SLFN13: variants seen among roughly 807,000 people sequenced by gnomAD.
SLFN13 encodes schlafen family member 13, also known as schlafen-13.
In SLFN13, 43 loss-of-function variants were observed where a neutral mutation model predicts 50.6. That is an observed-to-expected ratio of 0.85 (90% CI 0.67 to 1.09). The LOEUF is 1.09. Ranked by LOEUF, SLFN13 falls within the 50% of genes least tolerant of loss-of-function variation. The pLI is 0.00. For missense variants in SLFN13, 881 were observed against 1,071.1 expected (o/e 0.82, Z 2.48); for synonymous variants, 339 against 386.5 (o/e 0.88, Z 1.44).
chr17:35,444,550 A>G (rs1913088152), intron 3 of SLFN13, 65 bp downstream of exon 3: 1 of 1,400,452 alleles, frequency 7.1e-7, no homozygotes, highest in Non-Finnish European at 9.8e-7. Flanking sequence ...TTAGAGAATA[A>G]AGAAGGAAGT....
rs973022359 is a variant in SLFN13, at chr17:35,444,948, G to T, written c.733C>A (p.Leu245Ile). The T allele has an allele frequency of 6.2e-7, 1 of 1,614,180 alleles. No homozygotes were observed. The highest frequency in any genetic ancestry group is 1.7e-5 in the Admixed American group (1 of 60,024). ...CTCTTATCATCCACTCCAATAAAAAGATAGCCTCCCTCAGTGTTTGCAAAT... is the reference window on the plus strand; with the variant it reads ...CTCTTATCATCCACTCCAATAAAAATATAGCCTCCCTCAGTGTTTGCAAAT... ...SAFANTEGGY[L>I]FIGVDDKSRK... is the part of the protein sequence containing the mutation. The change falls in exon 3 of 6, where the codon CTT becomes ATT. Residue 245 changes from leucine (L) to isoleucine (I), a missense_variant. Leu to Ile is a conservative substitution (Grantham distance 5). Coordinates refer to ENST00000285013, the MANE Select transcript of SLFN13 (RefSeq NM_144682.6).
At chr17:35,442,851 T>A (rs1481913294) in intron 4 of SLFN13, among the ~76,000 whole-genome samples, 1 of 152,220 alleles carries the variant, frequency 6.6e-6, no homozygotes, top group Non-Finnish European at 1.5e-5. Context: ...TGCAATTTAC[T>A]GAGCCTGAGA....
Position 35,441,138 on chromosome 17 carries a change from A to G in SLFN13, c.2151T>C (p.Pro717=). ...CTTCTCTTGGATACTGTGCTGAGAG[A>G]GGGGGAAGGCCACTGTGACCCAAGT... ...TSHLGHSGLP[P]LSAQYPREEL... is the part of the protein sequence containing the mutation. Residue 717 remains proline, a synonymous_variant, in exon 6 of 6, where the codon CCT becomes CCC. Coordinates refer to ENST00000285013, the MANE Select transcript of SLFN13 (RefSeq NM_144682.6). 6.2e-7 allele frequency: 1 copy of G among 1,614,018 alleles called. No individual in the cohort carries two copies. The highest frequency in any genetic ancestry group is 8.5e-7 in the Non-Finnish European group (1 of 1,179,990).
At chr17:35,443,353 T>C (rs892314627) in intron 4 of SLFN13, among the ~76,000 whole-genome samples, 1 of 152,236 alleles carries the variant, frequency 6.6e-6, no homozygotes, top group African/African-American at 2.4e-5. Context: ...TGAATGTTTT[T>C]ATTCCTTTTA....
upstream of SLFN13, among the ~76,000 whole-genome samples, chr17:35,449,206 C>G (rs1037302376): frequency 4.0e-5 from 6 of 151,270 alleles, no homozygotes; most frequent in Non-Finnish European, 7.4e-5. Context: ...CACCACTGCA[C>G]TCCAGCTTGG....
intron 2 of SLFN13, 62 bp from the exon 3 acceptor site, chr17:35,445,755 A>G: frequency 1.6e-6 from 2 of 1,275,484 alleles, no homozygotes; most frequent in Non-Finnish European, 2.1e-6. Context: ...CCTGCAATTC[A>G]TTTATTAGAA....
Position 35,438,830 on chromosome 17 carries a change from T to C in SLFN13, c.*1765A>G, listed in dbSNP as rs1912711351. 1 of 152,116 alleles carries C rather than the reference T, an allele frequency of 6.6e-6. No individual in the cohort carries two copies. Among genetic ancestry groups the C allele is most frequent in the African/African-American group, 2.4e-5 (1 of 41,454 alleles). The allele number at this position is 152,116 out of a possible 1,614,324, so 9.4% of individuals were successfully genotyped here. ...CATTAGTTATGCAAATATTTTATTG[T>C]TAGTATTTAGATTAGTGTTTTAGAA... On this transcript the variant is annotated 3_prime_UTR_variant, in exon 6 of 6. Coordinates refer to ENST00000285013, the MANE Select transcript of SLFN13 (RefSeq NM_144682.6).
At chr17:35,443,664 G>A in intron 4 of SLFN13, 125 bp downstream of exon 4, 2 of 983,196 alleles carry the variant, frequency 2.0e-6, no homozygotes, top group Non-Finnish European at 2.9e-6. Context: ...TCATCCCCAA[G>A]AGGCTTGTGG....
In SLFN13 at chr17:35,444,525, G is replaced by A. The variant is rs1453371700; in HGVS notation, c.1066+90C>T. ...TTAGAGAAAGTAAATTTCAGTGGGTGTGAGAAGGTCAAGCTTAGAGAATAA... is the reference window on the plus strand; with the variant it reads ...TTAGAGAAAGTAAATTTCAGTGGGTATGAGAAGGTCAAGCTTAGAGAATAA... On this transcript the variant is annotated intron_variant, in intron 3 of 5. Coordinates refer to ENST00000285013, the MANE Select transcript of SLFN13 (RefSeq NM_144682.6). 9.3e-6 allele frequency: 11 copies of A among 1,179,752 alleles called. No individual in the cohort carries two copies. The East Asian group carries it at 2.7e-4, about 29-fold the overall frequency. 73.1% of individuals were successfully genotyped at this position (1,179,752 alleles called of 1,614,324 possible). A position where few individuals can be genotyped will look rare whatever the true frequency, so the allele number is the denominator to read the frequency against.
At position 35,444,688 on chromosome 17, in the gene SLFN13, C is replaced by G; in HGVS notation, c.993G>C (p.Trp331Cys). 1 of 1,614,240 alleles carries G rather than the reference C, an allele frequency of 6.2e-7. No individual in the cohort carries two copies. The highest frequency in any genetic ancestry group is 1.6e-4 in the Middle Eastern group (1 of 6,062). Residue 331 changes from tryptophan (W) to cysteine (C), a missense_variant, in exon 3 of 6, where the codon TGG becomes TGC. This residue lies in a region of SLFN13 where 497 missense variants were observed against 518.3 expected (regional missense o/e 0.96). Transcript: ENST00000285013. ...CVVFSEAPKSWMVREKYIRPL... is the reference protein window; with the variant it reads ...CVVFSEAPKSCMVREKYIRPL... ...GGCGGATGTACTTCTCCCTCACCAT[C>G]CATGACTTGGGAGCTTCCGAGAACA...
Position 35,440,427 on chromosome 17 carries a change from C to T in SLFN13, c.*168G>A. 2 of 771,912 alleles carry T rather than the reference C, an allele frequency of 2.6e-6. No individual in the cohort carries two copies. The highest frequency in any genetic ancestry group is 3.8e-5 in the South Asian group (2 of 53,314). 47.8% of individuals were successfully genotyped at this position (771,912 alleles called of 1,614,324 possible). ...CTGCTGAAAAGAGTTGGGGGAGGAACCCCTGAAAGGAGAGCCAGAAATGGG... is the reference window on the plus strand; with the variant it reads ...CTGCTGAAAAGAGTTGGGGGAGGAATCCCTGAAAGGAGAGCCAGAAATGGG... On this transcript the variant is annotated 3_prime_UTR_variant, in exon 6 of 6. Transcript: ENST00000285013.
At position 35,444,750 on chromosome 17, in the gene SLFN13, G is replaced by C. The variant is rs1037177293; in HGVS notation, c.931C>G (p.Leu311Val). The C allele has an allele frequency of 1.9e-6, 3 of 1,614,110 alleles. No homozygotes were observed. Residue 311 changes from leucine (L) to valine (V), a missense_variant, in exon 3 of 6, where the codon CTC (leucine) becomes GTC (valine). Coordinates refer to ENST00000285013, the MANE Select transcript of SLFN13 (RefSeq NM_144682.6). ...AATGCCTTCACTTTAATCACACAGA[G>C]ATAGCCATACAACTCTTTCCCACAA... ...VFCGKELYGY[L>V]CVIKVKAFCC...
chr17:35,445,603 C>G lies in SLFN13; in HGVS notation c.78G>C (p.Leu26=), dbSNP rs1014203718. 6.2e-7 allele frequency: 1 copy of G among 1,613,984 alleles called. No individual in the cohort carries two copies. Among genetic ancestry groups the G allele is most frequent in the Non-Finnish European group, 8.5e-7 (1 of 1,180,012 alleles). Residue 26 remains leucine, a synonymous_variant, in exon 3 of 6, where the codon CTG becomes CTC. Coordinates refer to ENST00000285013, the MANE Select transcript of SLFN13 (RefSeq NM_144682.6). ...GTAGCTTTTTTCTGTTTTCTTCTCCCAGAGTCACTTCTCCGACATCGATGA... is the reference window on the plus strand; with the variant it reads ...GTAGCTTTTTTCTGTTTTCTTCTCCGAGAGTCACTTCTCCGACATCGATGA... ...DLVIDVGEVT[L]GEENRKKLQK...
In SLFN13 at chr17:35,439,642, A is replaced by C. The variant is rs1364029332; in HGVS notation, c.*953T>G. 1 of 151,864 alleles carries C rather than the reference A, an allele frequency of 6.6e-6. No homozygotes were observed. The highest frequency in any genetic ancestry group is 1.5e-5 in the Non-Finnish European group (1 of 67,982). 9.4% of individuals were successfully genotyped at this position (151,864 alleles called of 1,614,324 possible). A position where few individuals can be genotyped will look rare whatever the true frequency, so the allele number is the denominator to read the frequency against. ...CAGGCATGCACCACCATGCCCTGCT[A>C]ATTTTTGTATTTTTAGTAGAGATGG... On this transcript the variant is annotated 3_prime_UTR_variant, in exon 6 of 6. Coordinates refer to ENST00000285013, the MANE Select transcript of SLFN13 (RefSeq NM_144682.6).
At chr17:35,443,652 A>G in intron 4 of SLFN13, 137 bp downstream of exon 4, 4 of 861,818 alleles carry the variant, frequency 4.6e-6, no homozygotes, top group Non-Finnish European at 6.9e-6. Context: ...GGCACCTGAA[A>G]CTCATCCCCA....
chr17:35,445,237 T>A lies in SLFN13; in HGVS notation c.444A>T (p.Arg148Ser). The A allele has an allele frequency of 2.5e-6, 4 of 1,614,040 alleles. No individual in the cohort carries two copies. Among genetic ancestry groups the A allele is most frequent in the Non-Finnish European group, 3.4e-6 (4 of 1,180,014 alleles). Residue 148 changes from arginine (R) to serine (S), a missense_variant, in exon 3 of 6, where the codon AGA (arginine) becomes AGT (serine). Arg to Ser is a moderately radical substitution (Grantham distance 110, BLOSUM62 -1). Coordinates refer to ENST00000285013, the MANE Select transcript of SLFN13 (RefSeq NM_144682.6). ...TGGTCTTCAGGAAATCGAATGCCTGTCTTGAATTCATGTGAAGCACAGAGG... is the reference window on the plus strand; with the variant it reads ...TGGTCTTCAGGAAATCGAATGCCTGACTTGAATTCATGTGAAGCACAGAGG... Reference protein sequence around the residue: ...SGTSVLHMNSRQAFDFLKTKE... With the variant: ...SGTSVLHMNSSQAFDFLKTKE...
At chr17:35,444,477 C>A in intron 3 of SLFN13, 138 bp downstream of exon 3, 1 of 762,652 alleles carries the variant, frequency 1.3e-6, no homozygotes, top group Non-Finnish European at 2.0e-6. Context: ...ATAAAACTTC[C>A]CATCTATGAA....
Position 35,442,390 on chromosome 17 carries a change from A to G in SLFN13, c.1199-104T>C. 4 of 1,305,048 alleles carry G rather than the reference A, an allele frequency of 3.1e-6. 1 individual carries two copies. The highest frequency in any genetic ancestry group is 4.1e-6 in the Non-Finnish European group (4 of 974,616). 80.8% of individuals were successfully genotyped at this position (1,305,048 alleles called of 1,614,324 possible). A position where few individuals can be genotyped will look rare whatever the true frequency, so the allele number is the denominator to read the frequency against. On this transcript the variant is annotated intron_variant, in intron 4 of 5. Coordinates refer to ENST00000285013, the MANE Select transcript of SLFN13 (RefSeq NM_144682.6). ...CAGAGGAAAGCCCCCAAAGAATTGT[A>G]CAATTTAACAGAAATTCCTTCTGGT...
chr17:35,437,663 G>A lies in SLFN13; in HGVS notation c.*2932C>T, dbSNP rs1248253046. ...CACTCCATAGCAAGAAGTGGCAGGAGACTACAAGGACAGATCTGTGAGCAT... is the reference window on the plus strand; with the variant it reads ...CACTCCATAGCAAGAAGTGGCAGGAAACTACAAGGACAGATCTGTGAGCAT... On this transcript the variant is annotated 3_prime_UTR_variant, in exon 6 of 6. Coordinates refer to ENST00000285013, the MANE Select transcript of SLFN13 (RefSeq NM_144682.6). 4 of 152,006 alleles carry A rather than the reference G, an allele frequency of 2.6e-5. No individual in the cohort carries two copies. The East Asian group carries it at 5.8e-4, about 22-fold the overall frequency. The allele number at this position is 152,006 out of a possible 1,614,324, so 9.4% of individuals were successfully genotyped here.
Sources: gnomAD v4.1 joint callset for allele counts (sites outside exome capture counted in the v4.1 genomes callset) on GRCh38, gnomAD v4.1.1 for gene constraint, gnomAD v4.1.1 regional missense constraint, MANE v1.5 for transcripts, NCBI Gene and HGNC (gene_info 2026-07-23, HGNC 2026-07-21) for gene names.